Variants in SLC25A48 observed in about 807,000 individuals in gnomAD.
The protein encoded by SLC25A48 is CTC-321K16.1.
In SLC25A48, 29 loss-of-function variants were observed where a neutral mutation model predicts 32.2. That is an observed-to-expected ratio of 0.90 (90% CI 0.67 to 1.23). The LOEUF is 1.23. Ranked by LOEUF, SLC25A48 falls within the 50% of genes most tolerant of loss-of-function variation. The probability of loss-of-function intolerance (pLI) is 0.00; values close to 1 mark genes in which losing one functional copy is unlikely to be tolerated. For missense variants in SLC25A48, 399 were observed against 422.7 expected (o/e 0.94, Z 0.49); for synonymous variants, 164 against 172.3 (o/e 0.95, Z 0.38).
chr5:135,778,839 A>G lies in SLC25A48; in HGVS notation c.-520-33684A>G, dbSNP rs866576835. Reference sequence around the variant, plus strand: ...CCAACATCGCCAGTGGTGTACACACACCCCCCCCGCCCCGCCGTGACATTG... The same window carrying G: ...CCAACATCGCCAGTGGTGTACACACGCCCCCCCCGCCCCGCCGTGACATTG... On this transcript the variant is annotated intron_variant, in intron 3 of 10. Coordinates refer to the SLC25A48 transcript ENST00000646290. Among the ~76,000 whole-genome samples the G allele has an allele frequency of 8.7e-3, 736 of 84,968 alleles. 22 individuals are homozygous for G. Among genetic ancestry groups the G allele is most frequent in the African/African-American group, 0.033 (704 of 21,286 alleles). The allele number at this position is 84,968 out of a possible 152,430, so 55.7% of individuals were successfully genotyped here.
chr5:135,814,899 G>T (rs1156484979), intron 4 of SLC25A48, among the ~76,000 whole-genome samples: 1 of 152,244 alleles, frequency 6.6e-6, no homozygotes, highest in African/African-American at 2.4e-5. Context: ...GGCCATGGGA[G>T]GCCACTGCCT....
At chr5:135,699,436 A>G (rs1038588553) in intron 3 of SLC25A48, among the ~76,000 whole-genome samples, 1 of 151,186 alleles carries the variant, frequency 6.6e-6, no homozygotes, top group Non-Finnish European at 1.5e-5. Flanking sequence ...GAAGAATGAG[A>G]CCAAGAGATA....
chr5:135,731,791 ATTAT>A (rs917657657), intron 3 of SLC25A48, among the ~76,000 whole-genome samples: 46 of 152,320 alleles, frequency 3.0e-4, no homozygotes, highest in Middle Eastern at 3.4e-3. Context: ...GCCAGCAAAG[ATTAT>A]TTATTTACTT....
chr5:135,632,308 G>A (rs891327736), intron 2 of SLC25A48, among the ~76,000 whole-genome samples: 2 of 152,198 alleles, frequency 1.3e-5, no homozygotes, highest in Admixed American at 6.5e-5. Context: ...TGTGGAGGAT[G>A]GATTAGAGAA....
chr5:135,614,577 G>A (rs908247901), intron 1 of SLC25A48, among the ~76,000 whole-genome samples: 2 of 152,106 alleles, frequency 1.3e-5, no homozygotes, highest in African/African-American at 2.4e-5. Flanking sequence ...TTAATTTGTT[G>A]ATAGTTTTAT....
At chr5:135,606,348 C>T (rs1012170192) in intron 1 of SLC25A48, among the ~76,000 whole-genome samples, 2 of 152,160 alleles carry the variant, frequency 1.3e-5, no homozygotes, top group Non-Finnish European at 2.9e-5. Flanking sequence ...TCTGATTTTT[C>T]AACATTTTAT....
intron 3 of SLC25A48, among the ~76,000 whole-genome samples, chr5:135,725,417 G>C (rs1175636906): frequency 6.6e-6 from 1 of 152,142 alleles, no homozygotes; most frequent in East Asian, 1.9e-4. Context: ...CACTCAGGCA[G>C]GGGAAACAGC....
intron 3 of SLC25A48, among the ~76,000 whole-genome samples, chr5:135,772,023 C>G (rs1329431596): frequency 6.6e-6 from 1 of 151,308 alleles, no homozygotes; most frequent in Non-Finnish European, 1.5e-5. Flanking sequence ...TGATATTGTT[C>G]ATAATATTCA....
chr5:135,810,959 A>G (rs10039958), intron 3 of SLC25A48, among the ~76,000 whole-genome samples: 53,776 of 152,000 alleles, frequency 0.35, 9,662 homozygotes, highest in East Asian at 0.44. Context: ...GTAAGGAACC[A>G]GCAGCACCTA....
intron 2 of SLC25A48, among the ~76,000 whole-genome samples, chr5:135,847,281 C>A (rs1284795020): frequency 6.6e-6 from 1 of 152,290 alleles, no homozygotes; most frequent in East Asian, 1.9e-4. Flanking sequence ...GCAGCCACAC[C>A]TGGTCAAGAG....
intron 3 of SLC25A48, among the ~76,000 whole-genome samples, chr5:135,767,950 A>G (rs577985978): frequency 1.0e-3 from 143 of 143,598 alleles, no homozygotes; most frequent in African/African-American, 3.8e-3. Flanking sequence ...TATTGTTTGT[A>G]ATATCCGGGG....
rs370542427 is a variant in SLC25A48 at position 135,880,978 on chromosome 5, C to A, written c.*7+881C>A. Among the ~76,000 whole-genome samples, 4 of 151,830 alleles carry A rather than the reference C, an allele frequency of 2.6e-5. No individual in the cohort carries two copies. In the East Asian group the frequency reaches 5.8e-4, roughly 22 times the overall value. On this transcript the variant is annotated intron_variant, in intron 7 of 7. Coordinates refer to ENST00000681962, the MANE Select transcript of SLC25A48 (RefSeq NM_001349336.2). ...ACTGCATCCTAAATGCCAGAGGACA[C>A]CCTCACTCCCCAGGTGGGGCTGCTG...
intron 3 of SLC25A48, among the ~76,000 whole-genome samples, chr5:135,803,424 G>A (rs374429228): frequency 2.1e-5 from 1 of 48,234 alleles, no homozygotes; most frequent in Non-Finnish European, 7.5e-5. Flanking sequence ...TATCACTGTG[G>A]GTGTACACCC....
At chr5:135,638,826 TTCAAC>T (rs1752767794) in intron 3 of SLC25A48, among the ~76,000 whole-genome samples, 1 of 152,202 alleles carries the variant, frequency 6.6e-6, no homozygotes, top group South Asian at 2.1e-4. Flanking sequence ...TACACCATGT[TTCAAC>T]TCTATATAAG....
At chr5:135,878,343 C>T (rs1201126946) in intron 6 of SLC25A48, among the ~76,000 whole-genome samples, 1 of 152,210 alleles carries the variant, frequency 6.6e-6, no homozygotes, top group African/African-American at 2.4e-5. Context: ...TGGGCACCGG[C>T]ATGGAATTTT....
intron 3 of SLC25A48, among the ~76,000 whole-genome samples, chr5:135,769,380 A>T (rs1017906818): frequency 6.6e-6 from 1 of 151,336 alleles, no homozygotes; most frequent in South Asian, 2.1e-4. Context: ...TATCCCAAGG[A>T]GTGAACACCA....
At chr5:135,626,338 A>C (rs1036606359) in intron 1 of SLC25A48, among the ~76,000 whole-genome samples, 1 of 152,206 alleles carries the variant, frequency 6.6e-6, no homozygotes, top group African/African-American at 2.4e-5. Flanking sequence ...ATAAACATCC[A>C]TGGGTGCGTG....
At chr5:135,707,171 C>T (rs1035499322) in intron 3 of SLC25A48, among the ~76,000 whole-genome samples, 2 of 152,124 alleles carry the variant, frequency 1.3e-5, no homozygotes, top group African/African-American at 4.8e-5. Context: ...CCTTTATTCA[C>T]TTCTGTTGGG....
intron 3 of SLC25A48, among the ~76,000 whole-genome samples, chr5:135,766,486 A>G (rs368915860): frequency 1.2e-3 from 178 of 151,338 alleles, no homozygotes; most frequent in African/African-American, 3.9e-3. Context: ...ATGGTTCATA[A>G]TATCCAGGGG....
Sources: gnomAD v4.1 joint callset for allele counts (sites outside exome capture counted in the v4.1 genomes callset) on GRCh38, gnomAD v4.1.1 for gene constraint, MANE v1.5 for transcripts, NCBI Gene and HGNC (gene_info 2026-07-23, HGNC 2026-07-21) for gene names.